Variants in MARCHF3 observed in about 807,000 individuals in gnomAD.
MARCHF3 encodes membrane associated ring-CH-type finger 3.
MARCHF3 carries 13 observed loss-of-function variants against 24.2 expected under a neutral mutation model. The observed-to-expected ratio is 0.54, with a 90% CI of 0.35 to 0.85. The LOEUF (loss-of-function observed/expected upper bound fraction) is 0.85, where lower values mean the gene tolerates loss of function less well. MARCHF3 is among the 40% of genes least tolerant of loss of function. The pLI, the probability that MARCHF3 is intolerant of heterozygous loss-of-function variation, is 0.01. For missense variants in MARCHF3, 276 were observed against 325.0 expected (o/e 0.85, Z 1.16); for synonymous variants, 144 against 137.3 (o/e 1.05, Z -0.34).
chr5:126,925,369 C>G (rs1749256420), intron 1 of MARCHF3, among the ~76,000 whole-genome samples: 2 of 152,128 alleles, frequency 1.3e-5, no homozygotes, highest in Admixed American at 1.3e-4. Flanking sequence ...TTCTCAGCCA[C>G]AAGAAGTATC....
intron 1 of MARCHF3, among the ~76,000 whole-genome samples, chr5:126,982,317 A>G (rs2240527): frequency 0.54 from 82,070 of 151,996 alleles, 22,787 homozygotes; most frequent in East Asian, 0.79. Context: ...CCATGTCTGA[A>G]CCCTTGAGCC....
intron 1 of MARCHF3, among the ~76,000 whole-genome samples, chr5:126,947,185 G>A (rs1414629860): frequency 5.9e-5 from 9 of 152,144 alleles, no homozygotes; most frequent in Middle Eastern, 3.4e-3. Flanking sequence ...TCATTCCCCC[G>A]CATATGCAAC....
At chr5:126,960,309 C>T (rs538106825) in intron 1 of MARCHF3, among the ~76,000 whole-genome samples, 36 of 152,208 alleles carry the variant, frequency 2.4e-4, no homozygotes, top group African/African-American at 7.2e-4. Flanking sequence ...TTACTAATTT[C>T]GTTCCAGAGA....
Position 126,912,214 on chromosome 5 carries a change from TGAA to T in MARCHF3, c.393+2713_393+2715del, listed in dbSNP as rs1379724411. 2.6e-5 allele frequency among the ~76,000 whole-genome samples: 4 copies of T among 152,206 alleles called. No homozygotes were observed. The East Asian group carries it at 5.8e-4, about 22-fold the overall frequency. Reference sequence around the variant, plus strand: ...GGGCTGCAGAGATAAGAAAAGGAAGTGAAGAAGTGTCTTAGGAACGGTGGCATG... The same window carrying T: ...GGGCTGCAGAGATAAGAAAAGGAAGTGAAGTGTCTTAGGAACGGTGGCATG... On this transcript the variant is annotated intron_variant, in intron 3 of 4. Coordinates refer to ENST00000308660, the MANE Select transcript of MARCHF3 (RefSeq NM_178450.5).
At chr5:126,929,558 T>C (rs970257876) in intron 1 of MARCHF3, among the ~76,000 whole-genome samples, 3 of 152,262 alleles carry the variant, frequency 2.0e-5, no homozygotes, top group African/African-American at 7.2e-5. Context: ...CAGTGCAATC[T>C]GGTTAAATAT....
At chr5:127,003,900 G>T (rs1054119968) in intron 1 of MARCHF3, among the ~76,000 whole-genome samples, 2 of 152,188 alleles carry the variant, frequency 1.3e-5, no homozygotes, top group Non-Finnish European at 2.9e-5. Context: ...TGGGGAACTG[G>T]AACTTGACAG....
chr5:126,891,885 G>A (rs1753705151), intron 3 of MARCHF3, among the ~76,000 whole-genome samples: 2 of 139,894 alleles, frequency 1.4e-5, no homozygotes, highest in African/African-American at 5.4e-5. Flanking sequence ...TGGGCAGTAT[G>A]GCCATTTTCA....
chr5:126,923,114 C>A (rs916133571), intron 1 of MARCHF3, among the ~76,000 whole-genome samples: 1 of 152,078 alleles, frequency 6.6e-6, no homozygotes, highest in African/African-American at 2.4e-5. Flanking sequence ...ACCTATGTAA[C>A]AAACATGTAC....
At chr5:126,875,760 G>C (rs1753127811) in intron 4 of MARCHF3, among the ~76,000 whole-genome samples, 1 of 152,206 alleles carries the variant, frequency 6.6e-6, no homozygotes. Context: ...GGGGAGCAGG[G>C]AAGCCGCAGG....
rs1750814919 is a variant in MARCHF3, at chr5:126,966,430, C to A, written c.-56-48203G>T. Among the ~76,000 whole-genome samples, 3 of 152,104 alleles carry A rather than the reference C, an allele frequency of 2.0e-5. No homozygotes were observed. In the South Asian group the frequency reaches 6.2e-4, roughly 32 times the overall value. ...CAATCTCATCCATCTCAGTTCCCTC[C>A]ATCCCCCAAGAGTTTTCTGTATCCA... On this transcript the variant is annotated intron_variant, in intron 1 of 4. Coordinates refer to ENST00000308660, the MANE Select transcript of MARCHF3 (RefSeq NM_178450.5).
At chr5:127,005,821 A>G (rs1314142972) in intron 1 of MARCHF3, among the ~76,000 whole-genome samples, 1 of 152,196 alleles carries the variant, frequency 6.6e-6, no homozygotes, top group Non-Finnish European at 1.5e-5. Context: ...ATACATGTAG[A>G]TATGTACATA....
intron 3 of MARCHF3, chr5:126,898,920 T>C (rs1287037826): frequency 2.0e-6 from 2 of 985,138 alleles, no homozygotes; most frequent in Non-Finnish European, 2.4e-6. Context: ...AAACAGATTA[T>C]ACATTTTCAT....
intron 1 of MARCHF3, among the ~76,000 whole-genome samples, chr5:126,950,867 T>C (rs907502982): frequency 6.6e-6 from 1 of 152,238 alleles, no homozygotes; most frequent in Non-Finnish European, 1.5e-5. Flanking sequence ...TTCAGCTTTA[T>C]TGAGGTATAA....
intron 4 of MARCHF3, among the ~76,000 whole-genome samples, chr5:126,877,268 CTATGGGA>C (rs1485965140): frequency 1.3e-5 from 2 of 152,106 alleles, no homozygotes; most frequent in Non-Finnish European, 2.9e-5. Flanking sequence ...TGACACTGTG[CTATGGGA>C]TATGGGAATG....
At position 126,868,803 on chromosome 5, in the gene MARCHF3, T is replaced by C. The variant is rs1752853008; in HGVS notation, c.*1830A>G. The C allele has an allele frequency of 6.6e-6, 1 of 152,198 alleles. No homozygotes were observed. The highest frequency in any genetic ancestry group is 2.4e-5 in the African/African-American group (1 of 41,438). 9.4% of individuals were successfully genotyped at this position (152,198 alleles called of 1,614,324 possible). On this transcript the variant is annotated 3_prime_UTR_variant, in exon 5 of 5. Transcript: ENST00000308660. ...TTCACCAGCTACCAAGTTGGACTCT[T>C]TGCTCTGGAAATTTAATGTGTGGCA...
At chr5:126,907,845 G>A (rs1754358534) in intron 3 of MARCHF3, among the ~76,000 whole-genome samples, 1 of 151,304 alleles carries the variant, frequency 6.6e-6, no homozygotes, top group Non-Finnish European at 1.5e-5. Context: ...TGTTATGTGT[G>A]AATTTGATCC....
intron 1 of MARCHF3, among the ~76,000 whole-genome samples, chr5:126,923,811 AAAG>A (rs757403148): frequency 4.6e-5 from 7 of 152,216 alleles, no homozygotes; most frequent in African/African-American, 7.2e-5. Context: ...CAATTTTTAA[AAAG>A]AAGAAGAAGA....
chr5:126,872,509 A>C (rs551465012), intron 4 of MARCHF3, among the ~76,000 whole-genome samples: 174 of 152,282 alleles, frequency 1.1e-3, no homozygotes, highest in African/African-American at 3.8e-3. Context: ...GGAGACCATG[A>C]GCTTGGAGTG....
At chr5:126,946,761 GGTGTGT>G (rs58269583) in intron 1 of MARCHF3, among the ~76,000 whole-genome samples, 3,270 of 136,034 alleles carry the variant, frequency 0.024, 78 homozygotes, top group South Asian at 0.13. Flanking sequence ...TGTAAGTAGG[GGTGTGT>G]GTGTGTGTGT....
Sources: allele counts gnomAD v4.1 joint callset (sites outside exome capture counted in the v4.1 genomes callset), GRCh38; gene constraint gnomAD v4.1.1; transcripts MANE v1.5; gene names NCBI Gene and HGNC (gene_info 2026-07-23, HGNC 2026-07-21).